Variants in NSD1 observed in about 807,000 individuals in gnomAD.
NSD1 encodes nuclear receptor binding SET domain protein 1.
Under a neutral mutation model 242.7 loss-of-function variants are expected in NSD1, and 26 were observed. The observed-to-expected ratio is 0.11, with a 90% CI of 0.08 to 0.15. The LOEUF is 0.15. Among genes scored for constraint, NSD1 ranks in the 10% least tolerant of loss-of-function variants. The probability of loss-of-function intolerance (pLI) is 1.00; values close to 1 mark genes in which losing one functional copy is unlikely to be tolerated. For synonymous variants in NSD1, 1,106 were observed against 1,178.1 expected (o/e 0.94, Z 1.25); for missense variants, 2,495 against 3,272.8 (o/e 0.76, Z 5.80).
chr5:177,275,283 T>G (rs753537065), intron 17 of NSD1, among the ~76,000 whole-genome samples: 1 of 151,960 alleles, frequency 6.6e-6, no homozygotes, highest in Non-Finnish European at 1.5e-5. Context: ...GCTTTTTTAT[T>G]TTTAAACTCC....
At chr5:177,185,150 A>T (rs1005030398) in intron 2 of NSD1, among the ~76,000 whole-genome samples, 10 of 152,056 alleles carry the variant, frequency 6.6e-5, no homozygotes, top group African/African-American at 2.4e-4. Context: ...GTTGTGTATC[A>T]CTATAGATTC....
rs749154435 is a variant in NSD1, at chr5:177,294,573, C to G, written c.7205C>G (p.Thr2402Ser). 15 of 1,614,244 alleles carry G rather than the reference C, an allele frequency of 9.3e-6. No individual in the cohort carries two copies. The South Asian group carries it at 1.5e-4, about 17-fold the overall frequency. Residue 2402 changes from threonine to serine, a missense_variant, in exon 23 of 23, where the codon ACT becomes AGT. Coordinates refer to ENST00000439151, the MANE Select transcript of NSD1 (RefSeq NM_022455.5). Reference protein sequence around the residue: ...LLITSSPKPQTSDRPTDKPHA... With the variant: ...LLITSSPKPQSSDRPTDKPHA... ...ATTACTAGCAGTCCCAAACCCCAGACTTCAGACAGGCCTACTGACAAACCC... is the reference window on the plus strand; with the variant it reads ...ATTACTAGCAGTCCCAAACCCCAGAGTTCAGACAGGCCTACTGACAAACCC...
intron 6 of NSD1, 124 bp downstream of exon 6, chr5:177,236,069 A>G: frequency 2.9e-6 from 3 of 1,025,306 alleles, no homozygotes; most frequent in Non-Finnish European, 3.0e-6. Context: ...TTTTATTCTC[A>G]GCTTCTAGCA....
At chr5:177,180,116 A>G (rs1311030130) in intron 2 of NSD1, among the ~76,000 whole-genome samples, 2 of 143,464 alleles carry the variant, frequency 1.4e-5, no homozygotes, top group African/African-American at 2.6e-5. Context: ...TTTTTTTGAG[A>G]CAGAGTCTCG....
chr5:177,138,194 G>A (rs1208692095), intron 2 of NSD1, among the ~76,000 whole-genome samples: 2 of 151,260 alleles, frequency 1.3e-5, no homozygotes, highest in Non-Finnish European at 3.0e-5. Flanking sequence ...AAATGTAGAA[G>A]TTTTTTTTTC....
chr5:177,152,339 ATG>A (rs1364350147), intron 2 of NSD1, among the ~76,000 whole-genome samples: 3 of 150,612 alleles, frequency 2.0e-5, no homozygotes, highest in Admixed American at 6.7e-5. Flanking sequence ...GTATGTATGT[ATG>A]TATGTATGTA....
At position 177,235,942 on chromosome 5, in the gene NSD1, C is replaced by T; in HGVS notation, c.3918C>T (p.His1306=). ...AAAAGAAGGTACAGGAGCAGGTGCA[C>T]AAGGTATGTTGCAAAATTTCAGCAA... The part of the protein sequence containing the change: ...KKQKKVQEQV[H]KVSSRCEEES... The change falls in exon 6 of 23, where the codon CAC becomes CAT. Residue 1306 remains histidine, a synonymous_variant. Coordinates refer to ENST00000439151, the MANE Select transcript of NSD1 (RefSeq NM_022455.5). 1 of 1,613,714 alleles carries T rather than the reference C, an allele frequency of 6.2e-7. No homozygotes were observed. Among genetic ancestry groups the T allele is most frequent in the Non-Finnish European group, 8.5e-7 (1 of 1,179,750 alleles).
chr5:177,190,982 T>G (rs1000999735), intron 2 of NSD1, among the ~76,000 whole-genome samples: 1 of 118,122 alleles, frequency 8.5e-6, no homozygotes, highest in Non-Finnish European at 1.6e-5. Context: ...TTTTTTTTTC[T>G]TTTTTTTTTT....
Position 177,238,338 on chromosome 5 carries a change from G to A in NSD1, c.4023G>A (p.Glu1341=). 1 of 1,614,094 alleles carries A rather than the reference G, an allele frequency of 6.2e-7. No homozygotes were observed. Among genetic ancestry groups the A allele is most frequent in the Non-Finnish European group, 8.5e-7 (1 of 1,179,984 alleles). The part of the protein sequence containing the change: ...DENSLISTKE[E]PPVLEREAPF... ...ATTCTTTGATTTCAACCAAAGAAGA[G>A]CCTCCAGTTCTTGAAAGGGAGGCTC... The change falls in exon 7 of 23, where the codon GAG becomes GAA. Residue 1341 remains glutamate, a synonymous_variant. Transcript: ENST00000439151. The surrounding 1 kb of genome is among the most constrained non-coding windows in gnomAD (Gnocchi z 4.6).
chr5:177,274,737 TG>T (rs1758224232), intron 17 of NSD1, among the ~76,000 whole-genome samples: 4 of 151,342 alleles, frequency 2.6e-5, no homozygotes, highest in South Asian at 4.2e-4. Flanking sequence ...GTTGTTTTTT[TG>T]TTTGTTTGTT....
At chr5:177,258,056 C>T (rs570714470) in intron 13 of NSD1, among the ~76,000 whole-genome samples, 1 of 143,256 alleles carries the variant, frequency 7.0e-6, no homozygotes, top group Non-Finnish European at 1.5e-5. Flanking sequence ...TCTCAGCTCA[C>T]CGCAACCTCT....
chr5:177,218,537 A>G (rs1301174220), intron 5 of NSD1, among the ~76,000 whole-genome samples: 1 of 151,472 alleles, frequency 6.6e-6, no homozygotes, highest in African/African-American at 2.4e-5. Flanking sequence ...GTTGCATTCC[A>G]AGATTAAATT....
intron 2 of NSD1, among the ~76,000 whole-genome samples, chr5:177,147,349 C>T (rs1469847336): frequency 2.0e-5 from 3 of 152,072 alleles, no homozygotes; most frequent in Admixed American, 1.3e-4. Flanking sequence ...TCAAGCAATC[C>T]GCCTGCCTTG....
chr5:177,224,984 G>A (rs1764525683), intron 5 of NSD1, among the ~76,000 whole-genome samples: 1 of 151,950 alleles, frequency 6.6e-6, no homozygotes, highest in Non-Finnish European at 1.5e-5. Context: ...AACCAACTTT[G>A]AAGTCCTGGG....
chr5:177,143,514 G>T (rs1294320842), intron 2 of NSD1, among the ~76,000 whole-genome samples: 1 of 152,050 alleles, frequency 6.6e-6, no homozygotes, highest in Non-Finnish European at 1.5e-5. Context: ...AAGAGATGGG[G>T]TTTCACCACG....
intron 17 of NSD1, among the ~76,000 whole-genome samples, chr5:177,278,259 C>T (rs906480259): frequency 2.6e-5 from 4 of 152,184 alleles, no homozygotes; most frequent in Non-Finnish European, 4.4e-5. Context: ...AAGCACTTGC[C>T]ACCATGCCCG....
intron 11 of NSD1, among the ~76,000 whole-genome samples, chr5:177,250,558 G>T (rs375717421): frequency 6.8e-6 from 1 of 146,958 alleles, no homozygotes; most frequent in South Asian, 2.1e-4. Flanking sequence ...AGTGCTGAAG[G>T]TCAGTTTTTT....
chr5:177,202,784 A>G (rs1762603311), intron 3 of NSD1, among the ~76,000 whole-genome samples: 1 of 152,156 alleles, frequency 6.6e-6, no homozygotes, highest in African/African-American at 2.4e-5. Context: ...CAGTTCCTGT[A>G]GGTGATTTTT....
chr5:177,250,790 C>G (rs1755881397), intron 11 of NSD1, among the ~76,000 whole-genome samples: 1 of 152,100 alleles, frequency 6.6e-6, no homozygotes, highest in Non-Finnish European at 1.5e-5. Flanking sequence ...TTTATTTAAG[C>G]TTTGATTCTT....
Sources: allele counts gnomAD v4.1 joint callset (sites outside exome capture counted in the v4.1 genomes callset), GRCh38; gene constraint gnomAD v4.1.1; non-coding constraint Gnocchi (gnomAD v3.1); transcripts MANE v1.5; gene names NCBI Gene and HGNC (gene_info 2026-07-23, HGNC 2026-07-21).